Variants in NDE1 observed in about 807,000 individuals in gnomAD.
NDE1 encodes nuclear distribution protein nudE homolog 1.
NDE1 carries 28 observed loss-of-function variants against 43.4 expected under a neutral mutation model. That is an observed-to-expected ratio of 0.65 (90% CI 0.48 to 0.89). The LOEUF is 0.89. Ranked by LOEUF, NDE1 falls within the 40% of genes least tolerant of loss-of-function variation. The probability of loss-of-function intolerance (pLI) is 0.00; values close to 1 mark genes in which losing one functional copy is unlikely to be tolerated. For missense variants in NDE1, 441 were observed against 434.1 expected (o/e 1.02, Z -0.14); for synonymous variants, 184 against 172.0 (o/e 1.07, Z -0.55).
At chr16:15,720,913 T>G in intron 8 of NDE1, 6 of 1,613,814 alleles carry the variant, frequency 3.7e-6, no homozygotes, top group East Asian at 2.2e-5. Flanking sequence ...AACTGGCCCT[T>G]GAGCGCCTGC....
At chr16:15,706,651 GAGCCAACGTTGTGCCACTGCA>G (rs1415225374) in intron 8 of NDE1, among the ~76,000 whole-genome samples, 2 of 151,734 alleles carry the variant, frequency 1.3e-5, no homozygotes, top group Admixed American at 6.6e-5. Flanking sequence ...AGGCTGCAGT[GAGCCAACGTTGTGCCACTGCA>G]CTCCAGCCTG....
chr16:15,708,893 C>T (rs755881773), intron 8 of NDE1: 1 of 1,529,534 alleles, frequency 6.5e-7, no homozygotes, highest in Non-Finnish European at 9.0e-7. Flanking sequence ...CAAGAAGGAG[C>T]CCGGTTAAGT....
At chr16:15,656,830 A>C (rs2036792663) in intron 1 of NDE1, among the ~76,000 whole-genome samples, 1 of 151,872 alleles carries the variant, frequency 6.6e-6, no homozygotes, top group Non-Finnish European at 1.5e-5. Flanking sequence ...CATGAGCCAC[A>C]GCACCCTGCC....
intron 2 of NDE1, 109 bp from the exon 3 acceptor site, chr16:15,667,177 C>A: frequency 1.6e-6 from 2 of 1,263,602 alleles, no homozygotes; most frequent in Non-Finnish European, 2.3e-6. Context: ...ACCTGGAAAG[C>A]AGAGGTTGCA....
chr16:15,657,072 C>T (rs1170809159), intron 1 of NDE1, among the ~76,000 whole-genome samples: 2 of 152,040 alleles, frequency 1.3e-5, no homozygotes, highest in Non-Finnish European at 2.9e-5. Flanking sequence ...ACTGAGACTG[C>T]CCTCAATAGT....
chr16:15,699,189 T>C (rs2039136010), intron 8 of NDE1, among the ~76,000 whole-genome samples: 1 of 152,092 alleles, frequency 6.6e-6, no homozygotes, highest in South Asian at 2.1e-4. Flanking sequence ...GTTTTCAGAT[T>C]AATTTTCCAG....
intron 8 of NDE1, among the ~76,000 whole-genome samples, chr16:15,699,164 G>A (rs906405987): frequency 1.3e-5 from 2 of 152,022 alleles, no homozygotes; most frequent in Admixed American, 6.6e-5. Context: ...TTCTCATTGA[G>A]ATTTCTAGAG....
At chr16:15,682,095 A>G (rs1346766393) in intron 4 of NDE1, among the ~76,000 whole-genome samples, 1 of 152,054 alleles carries the variant, frequency 6.6e-6, no homozygotes, top group African/African-American at 2.4e-5. Context: ...TGTTAATACA[A>G]TTTGGCCAAA....
intron 4 of NDE1, chr16:15,684,280 G>A (rs1210007096): frequency 6.6e-6 from 1 of 151,428 alleles, no homozygotes; most frequent in African/African-American, 2.4e-5. Flanking sequence ...GGGTGTCGAG[G>A]TTGCAGGGAA....
chr16:15,723,078 T>C (rs1185581458), intron 8 of NDE1, among the ~76,000 whole-genome samples: 5 of 152,162 alleles, frequency 3.3e-5, no homozygotes, highest in Non-Finnish European at 7.3e-5. Context: ...CCTGAGTCAC[T>C]TGTAAACTAA....
intron 4 of NDE1, among the ~76,000 whole-genome samples, chr16:15,680,031 G>A (rs1479380315): frequency 2.6e-5 from 4 of 152,090 alleles, no homozygotes; most frequent in African/African-American, 9.7e-5. Context: ...TGCCTGCCTC[G>A]GTCTCCGAAA....
At chr16:15,669,723 G>A (rs1399835114) in intron 3 of NDE1, among the ~76,000 whole-genome samples, 1 of 150,966 alleles carries the variant, frequency 6.6e-6, no homozygotes, top group African/African-American at 2.4e-5. Context: ...TCGAACTCCT[G>A]AGCTCAGGTG....
rs143935919 is a variant in NDE1, at chr16:15,691,348, T to G, written c.703+25T>G. On this transcript the variant is annotated intron_variant, in intron 6 of 8. Coordinates refer to ENST00000396354, the MANE Select transcript of NDE1 (RefSeq NM_017668.3). ...GGTAAGGGGAGTGGGAATTGCAGGA[T>G]TTTCTCGGTTCACAAAGTGTTTCTG... is the stretch of plus-strand genomic sequence containing the variant. The G allele has an allele frequency of 2.0e-3, 3,171 of 1,611,612 alleles. 3 individuals carry two copies. The highest frequency in any genetic ancestry group is 2.7e-3 in the African/African-American group (204 of 74,924).
At chr16:15,688,784 T>C (rs2038582612) in intron 5 of NDE1, among the ~76,000 whole-genome samples, 2 of 131,594 alleles carry the variant, frequency 1.5e-5, no homozygotes, top group South Asian at 2.8e-4. Context: ...CTGCAACCTC[T>C]GCCTCCCAGG....
At chr16:15,710,478 G>T (rs774151336) in intron 8 of NDE1, among the ~76,000 whole-genome samples, 1 of 152,044 alleles carries the variant, frequency 6.6e-6, no homozygotes, top group Non-Finnish European at 1.5e-5. Context: ...CCGAGATCGC[G>T]CCACTGCACT....
chr16:15,704,939 A>C (rs1341735317), intron 8 of NDE1, among the ~76,000 whole-genome samples: 1 of 152,156 alleles, frequency 6.6e-6, no homozygotes, highest in Non-Finnish European at 1.5e-5. Context: ...TTGGCCTCCC[A>C]AAGCGCTGGC....
chr16:15,666,905 A>T (rs2037335193), intron 2 of NDE1, among the ~76,000 whole-genome samples: 1 of 152,106 alleles, frequency 6.6e-6, no homozygotes, highest in South Asian at 2.1e-4. Flanking sequence ...TACTTTCTTT[A>T]TTCTAGTTTG....
intron 8 of NDE1, chr16:15,718,049 C>T: frequency 1.8e-6 from 1 of 563,052 alleles, no homozygotes; most frequent in Non-Finnish European, 3.2e-6. Flanking sequence ...AAGGCCCGGA[C>T]TCCAGGGATG....
intron 1 of NDE1, among the ~76,000 whole-genome samples, chr16:15,662,439 C>T (rs1348035513): frequency 3.3e-5 from 5 of 151,796 alleles, no homozygotes; most frequent in South Asian, 2.1e-4. Context: ...CCTGCCACCA[C>T]GCCCAGCTAA....
Sources: allele counts gnomAD v4.1 joint callset (sites outside exome capture counted in the v4.1 genomes callset), GRCh38; gene constraint gnomAD v4.1.1; transcripts MANE v1.5; gene names NCBI Gene and HGNC (gene_info 2026-07-23, HGNC 2026-07-21).